MSRB3: variants seen among roughly 807,000 people sequenced by gnomAD.
MSRB3 encodes the protein methionine sulfoxide reductase B3.
Under a neutral mutation model 21.0 loss-of-function variants are expected in MSRB3, and 13 were observed. The ratio of observed to expected loss-of-function variants is 0.62; its 90% CI spans 0.40 to 0.98. The LOEUF (loss-of-function observed/expected upper bound fraction) is 0.98. Among genes scored for constraint, MSRB3 ranks in the 50% least tolerant of loss-of-function variants. The pLI is 0.00. For synonymous variants in MSRB3, 87 were observed against 88.6 expected, an observed-to-expected ratio of 0.98 and a Z score of 0.10; for missense variants, 199 against 230.3, an observed-to-expected ratio of 0.86 and a Z score of 0.88.
At chr12:65,332,224 A>C (rs998881912) in intron 4 of MSRB3, among the ~76,000 whole-genome samples, 2 of 152,084 alleles carry the variant, frequency 1.3e-5, no homozygotes, top group African/African-American at 4.8e-5. Context: ...TAGTAAATTA[A>C]TGTCACTATC....
At chr12:65,394,577 G>C (rs1396550044) in intron 5 of MSRB3, among the ~76,000 whole-genome samples, 1 of 152,170 alleles carries the variant, frequency 6.6e-6, no homozygotes, top group African/African-American at 2.4e-5. Flanking sequence ...GAGGAAACAT[G>C]TCCCAACTCA....
At chr12:65,313,608 T>C (rs1874118522) in intron 2 of MSRB3, among the ~76,000 whole-genome samples, 1 of 152,216 alleles carries the variant, frequency 6.6e-6, no homozygotes, top group Middle Eastern at 3.4e-3. Context: ...TTCTAAAAGA[T>C]GCACATGAAC....
intron 5 of MSRB3, among the ~76,000 whole-genome samples, chr12:65,384,629 C>G (rs1879117320): frequency 6.6e-6 from 1 of 152,126 alleles, no homozygotes. Context: ...TCATAATCCT[C>G]TTGAAGTCGT....
At chr12:65,278,910 C>A in intron 1 of MSRB3, 45 bp downstream of exon 1, 1 of 1,542,948 alleles carries the variant, frequency 6.5e-7, no homozygotes, top group Non-Finnish European at 8.8e-7. Flanking sequence ...CTCACCCCTC[C>A]CACCCCGACC....
At chr12:65,318,143 A>C (rs1224306632) in intron 2 of MSRB3, among the ~76,000 whole-genome samples, 1 of 152,024 alleles carries the variant, frequency 6.6e-6, no homozygotes, top group Non-Finnish European at 1.5e-5. Flanking sequence ...ATATAGATTC[A>C]GATTTAGCTG....
intron 5 of MSRB3, among the ~76,000 whole-genome samples, chr12:65,410,069 T>A (rs1157226754): frequency 6.6e-6 from 1 of 152,216 alleles, no homozygotes; most frequent in Non-Finnish European, 1.5e-5. Flanking sequence ...TAGTTTGTCA[T>A]TTATGTTTTA....
intron 1 of MSRB3, among the ~76,000 whole-genome samples, chr12:65,290,281 TGAGGCAA>T (rs1333562488): frequency 2.0e-4 from 30 of 152,358 alleles, no homozygotes; most frequent in African/African-American, 5.0e-4. Flanking sequence ...GATTAAGGAC[TGAGGCAA>T]GAGTGTTCAG....
chr12:65,423,415 C>A (rs1402961830), intron 5 of MSRB3, among the ~76,000 whole-genome samples: 1 of 152,114 alleles, frequency 6.6e-6, no homozygotes, highest in African/African-American at 2.4e-5. Flanking sequence ...AGAGTAGGCA[C>A]CCTTGTCTTG....
Position 65,368,969 on chromosome 12 carries a change from T to A in MSRB3, c.264-29T>A, listed in dbSNP as rs191787454. The A allele has an allele frequency of 3.1e-6, 4 of 1,275,670 alleles. No homozygotes were observed. The East Asian group carries it at 1.1e-4, about 34-fold the overall frequency. 79.0% of individuals were successfully genotyped at this position (1,275,670 alleles called of 1,614,324 possible). On this transcript the variant is annotated intron_variant, in intron 4 of 6. Coordinates refer to ENST00000308259, the MANE Select transcript of MSRB3 (RefSeq NM_001031679.3). ...ATTGTTCTTTTACAAACAGTTTTTA[T>A]ATTGTAAAAACTTTCTTTCTCTTTG...
chr12:65,306,935 C>A, intron 1 of MSRB3: 3 of 985,818 alleles, frequency 3.0e-6, no homozygotes, highest in Non-Finnish European at 3.6e-6. Flanking sequence ...TTGGTAGGCG[C>A]CCAGGCTGCC....
intron 5 of MSRB3, among the ~76,000 whole-genome samples, chr12:65,397,111 A>C (rs1297355632): frequency 6.6e-6 from 1 of 152,188 alleles, no homozygotes; most frequent in Non-Finnish European, 1.5e-5. Context: ...ATGATTGTAT[A>C]GTTCCCCTCT....
At chr12:65,278,887 C>G (rs930422680) in intron 1 of MSRB3, 22 bp downstream of exon 1, 1 of 1,550,436 alleles carries the variant, frequency 6.4e-7, no homozygotes. Flanking sequence ...CTCCCCTCCC[C>G]TCTCCTCCTC....
intron 4 of MSRB3, among the ~76,000 whole-genome samples, chr12:65,364,482 C>T (rs1470398778): frequency 1.3e-5 from 2 of 152,068 alleles, no homozygotes; most frequent in Non-Finnish European, 2.9e-5. Flanking sequence ...TCTGTGGAGA[C>T]ACAATTATAT....
At chr12:65,338,191 T>A (rs1312225600) in intron 4 of MSRB3, among the ~76,000 whole-genome samples, 1 of 151,668 alleles carries the variant, frequency 6.6e-6, no homozygotes. Flanking sequence ...TTCTGAATAA[T>A]TTTTTTTTGT....
intron 1 of MSRB3, among the ~76,000 whole-genome samples, chr12:65,299,145 T>C (rs768468448): frequency 6.6e-6 from 1 of 152,224 alleles, no homozygotes; most frequent in Non-Finnish European, 1.5e-5. Context: ...ACTTTCATAA[T>C]TTTGGTTAAT....
At chr12:65,356,055 T>A (rs959254227) in intron 4 of MSRB3, among the ~76,000 whole-genome samples, 7 of 151,952 alleles carry the variant, frequency 4.6e-5, no homozygotes, top group Admixed American at 4.6e-4. Context: ...TTTTCATGCT[T>A]TCCAGATTTG....
chr12:65,454,074 A>G, intron 6 of MSRB3: 5 of 629,428 alleles, frequency 7.9e-6, no homozygotes, highest in Non-Finnish European at 1.4e-5. Flanking sequence ...ACTTGAGGCC[A>G]GAAGTTCAAG....
chr12:65,337,276 A>C (rs1340824667), intron 4 of MSRB3, among the ~76,000 whole-genome samples: 1 of 151,328 alleles, frequency 6.6e-6, no homozygotes, highest in South Asian at 2.1e-4. Flanking sequence ...AACAAAAAAA[A>C]ACCAAAAATC....
chr12:65,458,942 C>T (rs564338907), intron 6 of MSRB3, among the ~76,000 whole-genome samples: 2 of 152,306 alleles, frequency 1.3e-5, no homozygotes, highest in African/African-American at 4.8e-5. Flanking sequence ...TGTTAAGCAA[C>T]GCTTTGTCAG....
Sources: gnomAD v4.1 joint callset for allele counts (sites outside exome capture counted in the v4.1 genomes callset) on GRCh38, gnomAD v4.1.1 for gene constraint, MANE v1.5 for transcripts, NCBI Gene and HGNC (gene_info 2026-07-23, HGNC 2026-07-21) for gene names.